Variants in DOCK5 observed in about 807,000 individuals in gnomAD.
DOCK5 encodes the protein dedicator of cytokinesis protein 5.
In DOCK5, 142 loss-of-function variants were observed where a neutral mutation model predicts 251.8. That is an observed-to-expected ratio of 0.56 (90% CI 0.49 to 0.65). DOCK5 has a LOEUF of 0.65. Among genes scored for constraint, DOCK5 ranks in the 30% least tolerant of loss-of-function variants. DOCK5 has a pLI of 0.00. For synonymous variants in DOCK5, 842 were observed against 835.5 expected (o/e 1.01, Z -0.13); for missense variants, 2,111 against 2,312.3 (o/e 0.91, Z 1.79).
intron 27 of DOCK5, 95 bp downstream of exon 27, chr8:25,351,921 C>G (rs1226429613): frequency 8.2e-6 from 7 of 854,942 alleles, no homozygotes; most frequent in East Asian, 2.6e-5. Flanking sequence ...TGAGACTATT[C>G]TTCACATGGG....
At chr8:25,362,462 C>CTTT (rs869096662) in intron 28 of DOCK5, among the ~76,000 whole-genome samples, 44 of 54,626 alleles carry the variant, frequency 8.1e-4, no homozygotes, top group East Asian at 2.9e-3. Flanking sequence ...CTTTTCTTTT[C>CTTT]TTTTTTTTTT....
intron 1 of DOCK5, among the ~76,000 whole-genome samples, chr8:25,240,996 TTCTCTCAGGTGTG>T (rs1182322468): frequency 1.3e-5 from 2 of 152,214 alleles, no homozygotes; most frequent in Non-Finnish European, 2.9e-5. Context: ...GCATGTCGCC[TTCTCTCAGGTGTG>T]TCTCTCAGCT....
intron 38 of DOCK5, among the ~76,000 whole-genome samples, chr8:25,378,041 G>A (rs943272547): frequency 1.3e-5 from 2 of 152,086 alleles, no homozygotes; most frequent in African/African-American, 2.4e-5. Flanking sequence ...ATGAGCCACT[G>A]TGGGGTTTCA....
chr8:25,409,947 A>C (rs1482198724), intron 50 of DOCK5, 152 bp from the exon 51 acceptor site: 1 of 627,136 alleles, frequency 1.6e-6, no homozygotes, highest in Admixed American at 2.8e-5. Context: ...TGGGGTAAGA[A>C]GTCTTCTTCG....
At chr8:25,234,538 G>T (rs894639954) in intron 1 of DOCK5, among the ~76,000 whole-genome samples, 1 of 152,134 alleles carries the variant, frequency 6.6e-6, no homozygotes, top group African/African-American at 2.4e-5. Context: ...TAATAAGGAA[G>T]ATATTCATTG....
At chr8:25,397,227 A>G (rs1801361480) in intron 45 of DOCK5, among the ~76,000 whole-genome samples, 4 of 152,084 alleles carry the variant, frequency 2.6e-5, no homozygotes. Flanking sequence ...GTCTAAAAAA[A>G]AAAAAAGAAG....
At chr8:25,200,674 A>G (rs990217062) in intron 1 of DOCK5, among the ~76,000 whole-genome samples, 1 of 152,218 alleles carries the variant, frequency 6.6e-6, no homozygotes, top group Non-Finnish European at 1.5e-5. Context: ...AGAATAGACC[A>G]TCTGTAATTT....
At chr8:25,267,080 A>T (rs1482106085) in intron 2 of DOCK5, among the ~76,000 whole-genome samples, 2 of 152,122 alleles carry the variant, frequency 1.3e-5, no homozygotes, top group Non-Finnish European at 2.9e-5. Context: ...GGTGAATTCG[A>T]AGCCATTTAT....
chr8:25,373,620 CT>C lies in DOCK5; in HGVS notation c.3691del (p.Tyr1231IlefsTer11). ...RMSCTVNVLN[F>X]YKEKKREDIY... ...GTGATCCTTTTTTTTCCTGGCAGAA[CT>C]TTTATAAAGAAAAGAAGAGAGAGGA... On this transcript the variant is annotated frameshift_variant, in exon 36 of 52. Transcript: ENST00000276440. LOFTEE classifies it high-confidence loss of function. 1 of 1,592,206 alleles carries C rather than the reference CT, an allele frequency of 6.3e-7. No homozygotes were observed. The highest frequency in any genetic ancestry group is 8.6e-7 in the Non-Finnish European group (1 of 1,168,928).
intron 45 of DOCK5, among the ~76,000 whole-genome samples, chr8:25,396,945 G>A (rs1332586595): frequency 6.6e-6 from 1 of 152,120 alleles, no homozygotes; most frequent in Non-Finnish European, 1.5e-5. Context: ...ACTTGGCCAG[G>A]CACGGTGACT....
At chr8:25,319,104 A>C (rs1489920235) in intron 14 of DOCK5, among the ~76,000 whole-genome samples, 1 of 152,220 alleles carries the variant, frequency 6.6e-6, no homozygotes, top group African/African-American at 2.4e-5. Flanking sequence ...TCAGTGGTTC[A>C]TGACCAGGAA....
chr8:25,408,321 T>C (rs145182882), intron 49 of DOCK5, among the ~76,000 whole-genome samples, 167 bp downstream of exon 49: 122 of 152,292 alleles, frequency 8.0e-4, no homozygotes, highest in African/African-American at 2.8e-3. Context: ...GGAAAGCACA[T>C]ACCTCATGAG....
intron 1 of DOCK5, among the ~76,000 whole-genome samples, chr8:25,230,577 A>G (rs1416302817): frequency 1.3e-5 from 2 of 152,158 alleles, no homozygotes; most frequent in African/African-American, 4.8e-5. Flanking sequence ...CAGGCTGGGC[A>G]TGGTGACTCA....
At chr8:25,354,447 C>T (rs1048379562) in intron 27 of DOCK5, among the ~76,000 whole-genome samples, 1 of 152,014 alleles carries the variant, frequency 6.6e-6, no homozygotes, top group Non-Finnish European at 1.5e-5. Flanking sequence ...ATGTTGTCTC[C>T]CTTGTTTAAA....
chr8:25,261,245 A>G (rs1803572018), intron 2 of DOCK5, among the ~76,000 whole-genome samples: 1 of 152,180 alleles, frequency 6.6e-6, no homozygotes, highest in South Asian at 2.1e-4. Flanking sequence ...ATTATTAAGT[A>G]AGATTTAGGA....
At chr8:25,270,578 GC>G (rs1178129698) in intron 3 of DOCK5, among the ~76,000 whole-genome samples, 3 of 152,018 alleles carry the variant, frequency 2.0e-5, no homozygotes, top group Non-Finnish European at 4.4e-5. Flanking sequence ...TAAACAAAAA[GC>G]CATTCTCAAA....
intron 2 of DOCK5, among the ~76,000 whole-genome samples, chr8:25,245,754 G>A (rs1047773960): frequency 1.3e-5 from 2 of 152,160 alleles, no homozygotes; most frequent in Admixed American, 1.3e-4. Context: ...TGGCCAGCCT[G>A]GTCTTGAACT....
chr8:25,372,761 C>T, intron 35 of DOCK5, 43 bp downstream of exon 35: 1 of 1,575,980 alleles, frequency 6.3e-7, no homozygotes, highest in Non-Finnish European at 8.6e-7. Flanking sequence ...TACTGTCAGG[C>T]CGCCCCTGCA....
In DOCK5 at chr8:25,372,604, G is replaced by A; in HGVS notation, c.3570G>A (p.Gly1190=). 3 of 1,602,092 alleles carry A rather than the reference G, an allele frequency of 1.9e-6. No homozygotes were observed. The highest frequency in any genetic ancestry group is 2.6e-6 in the Non-Finnish European group (3 of 1,175,664). Residue 1190 remains glycine, a synonymous_variant, in exon 35 of 52, where the codon GGG becomes GGA. Coordinates refer to ENST00000276440, the MANE Select transcript of DOCK5 (RefSeq NM_024940.8). The stretch of plus-strand genomic sequence containing the variant: ...AACACAAATACCTCTCCAGCTCTGG[G>A]GAGGTCTTCGCCCTCCTGGTCAGCA... ...CRKHKYLSSS[G]EVFALLVSSL...
Sources: gnomAD v4.1 joint callset for allele counts (sites outside exome capture counted in the v4.1 genomes callset) on GRCh38, gnomAD v4.1.1 for gene constraint, MANE v1.5 for transcripts, NCBI Gene and HGNC (gene_info 2026-07-23, HGNC 2026-07-21) for gene names.